The following SYNPR variants were observed in gnomAD, a reference collection of about 807,000 sequenced individuals.
The protein encoded by SYNPR is synaptoporin.
SYNPR carries 23 observed loss-of-function variants against 32.9 expected under a neutral mutation model. The observed-to-expected ratio is 0.70, with a 90% confidence interval of 0.50 to 0.99. The LOEUF (loss-of-function observed/expected upper bound fraction) is 0.99. Ranked by LOEUF, SYNPR falls within the 50% of genes least tolerant of loss-of-function variation. SYNPR has a pLI of 0.00. For missense variants in SYNPR, 318 were observed against 349.3 expected (o/e 0.91, Z 0.71); for synonymous variants, 146 against 135.9 (o/e 1.07, Z -0.52).
chr3:63,338,462 G>A (rs541179249), intron 2 of SYNPR, among the ~76,000 whole-genome samples: 1 of 152,162 alleles, frequency 6.6e-6, no homozygotes, highest in African/African-American at 2.4e-5. Context: ...GGTAGCAATA[G>A]AGTTAAGTCT....
the SYNPR span, among the ~76,000 whole-genome samples, chr3:63,202,509 G>A: frequency 2.5e-3 from 388 of 152,240 alleles, 6 homozygotes; most frequent in African/African-American, 8.7e-3. Flanking sequence ...GTGAACACAG[G>A]CAAGAGGAAA....
chr3:63,386,145 C>T (rs2088040954), intron 2 of SYNPR, among the ~76,000 whole-genome samples: 1 of 152,156 alleles, frequency 6.6e-6, no homozygotes, highest in South Asian at 2.1e-4. Context: ...AATGAGGGTC[C>T]ATGGGCGTCA....
At chr3:63,226,290 T>G (rs1042507405), upstream of SYNPR, among the ~76,000 whole-genome samples, 3 of 152,178 alleles carry the variant, frequency 2.0e-5, no homozygotes, top group African/African-American at 7.2e-5. Flanking sequence ...AAAAACAGTA[T>G]AGTGATTTAT....
rs561549626 is a variant in SYNPR at position 63,237,173 on chromosome 3, G to A, written n.66+8793G>A. ...CGATCATGATTTGACTTGTTGATAT[G>A]GCAATGTTGTATATACAGGGTATTT... On this transcript the variant is annotated intron_variant and non_coding_transcript_variant, in intron 1 of 4. Transcript: ENST00000478456. Among the ~76,000 whole-genome samples the A allele has an allele frequency of 3.9e-5, 6 of 152,032 alleles. No individual in the cohort carries two copies. The South Asian group carries it at 1.2e-3, about 32-fold the overall frequency.
the SYNPR span, among the ~76,000 whole-genome samples, chr3:63,222,432 C>G: frequency 6.6e-6 from 1 of 152,068 alleles, no homozygotes; most frequent in African/African-American, 2.4e-5. Context: ...ATTTCTCACT[C>G]AAAGTGTAAT....
chr3:63,327,098 T>G (rs1349230743), intron 2 of SYNPR, among the ~76,000 whole-genome samples: 1 of 152,106 alleles, frequency 6.6e-6, no homozygotes, highest in Non-Finnish European at 1.5e-5. Context: ...ATGTAAAAGT[T>G]GCAATCATTA....
chr3:63,359,149 A>G (rs2087624426), intron 2 of SYNPR, among the ~76,000 whole-genome samples: 1 of 152,122 alleles, frequency 6.6e-6, no homozygotes, highest in Admixed American at 6.5e-5. Context: ...TCTGGGGAGC[A>G]TGGGAGTGAG....
chr3:63,357,683 G>C (rs369221436), intron 2 of SYNPR, among the ~76,000 whole-genome samples: 1 of 152,148 alleles, frequency 6.6e-6, no homozygotes, highest in Non-Finnish European at 1.5e-5. Flanking sequence ...TAACTATTAA[G>C]TGTGTACATG....
At chr3:63,581,804 A>AG (rs1267718484) in intron 4 of SYNPR, among the ~76,000 whole-genome samples, 2 of 152,030 alleles carry the variant, frequency 1.3e-5, no homozygotes, top group Admixed American at 6.6e-5. Context: ...AAAAAAAAAA[A>AG]TTAAAACTCA....
intron 2 of SYNPR, among the ~76,000 whole-genome samples, chr3:63,387,604 G>C (rs2088069036): frequency 1.3e-5 from 2 of 152,136 alleles, no homozygotes; most frequent in South Asian, 2.1e-4. Context: ...TTGGAAAATG[G>C]GTAGTGAAAG....
At position 63,487,846 on chromosome 3, in the gene SYNPR, T is replaced by A. The variant is rs1701184656; in HGVS notation, c.209+6890T>A. Among the ~76,000 whole-genome samples, 3 of 152,182 alleles carry A rather than the reference T, an allele frequency of 2.0e-5. No individual in the cohort carries two copies. The South Asian group carries it at 6.2e-4, about 31-fold the overall frequency. On this transcript the variant is annotated intron_variant, in intron 3 of 5. Coordinates refer to ENST00000478300, the MANE Select transcript of SYNPR (RefSeq NM_001130003.2). Reference sequence around the variant, plus strand: ...AGTAGGAGACTGAGGCTTAGTCTGATCTTTGTAATCTGTGAAATTCAATTC... The same window carrying A: ...AGTAGGAGACTGAGGCTTAGTCTGAACTTTGTAATCTGTGAAATTCAATTC...
chr3:63,222,255 G>T, the SYNPR span, among the ~76,000 whole-genome samples: 1 of 151,672 alleles, frequency 6.6e-6, no homozygotes, highest in African/African-American at 2.4e-5. Context: ...GCAAAACCCT[G>T]ATATAAAGGT....
chr3:63,372,014 C>A lies in SYNPR; in HGVS notation c.84+93272C>A, dbSNP rs1040628010. Reference sequence around the variant, plus strand: ...AATCCCCACTCTTCACCAGACTGAGCCCCCGGCTTGGGACCACAGAACAGC... The same window carrying A: ...AATCCCCACTCTTCACCAGACTGAGACCCCGGCTTGGGACCACAGAACAGC... On this transcript the variant is annotated intron_variant, in intron 2 of 5. Transcript: ENST00000478300. 2.6e-5 allele frequency among the ~76,000 whole-genome samples: 4 copies of A among 152,064 alleles called. No individual in the cohort carries two copies. The East Asian group carries it at 7.8e-4, about 29-fold the overall frequency.
intron 2 of SYNPR, among the ~76,000 whole-genome samples, chr3:63,440,008 A>G (rs1700140550): frequency 6.6e-6 from 1 of 152,236 alleles, no homozygotes; most frequent in South Asian, 2.1e-4. Context: ...TGGACGTCTT[A>G]GTAAATGGAG....
rs540238756 is a variant in SYNPR, at chr3:63,319,851, CTTTA to C, written c.84+41114_84+41117del. Among the ~76,000 whole-genome samples, 5 of 152,040 alleles carry C rather than the reference CTTTA, an allele frequency of 3.3e-5. No individual in the cohort carries two copies. The South Asian group carries it at 1.0e-3, about 32-fold the overall frequency. On this transcript the variant is annotated intron_variant, in intron 2 of 5. Coordinates refer to ENST00000478300, the MANE Select transcript of SYNPR (RefSeq NM_001130003.2). The stretch of plus-strand genomic sequence containing the variant: ...TACTATATCATGTTGTTGTATTGTT[CTTTA>C]TTTAATCAGTCTCTAATTATGAAGA...
At chr3:63,523,948 A>G (rs1332180079) in intron 3 of SYNPR, among the ~76,000 whole-genome samples, 1 of 152,130 alleles carries the variant, frequency 6.6e-6, no homozygotes. Flanking sequence ...TCTACTGTGG[A>G]CTAGTGAAAG....
At chr3:63,593,523 A>T (rs1699878460) in intron 4 of SYNPR, among the ~76,000 whole-genome samples, 1 of 152,200 alleles carries the variant, frequency 6.6e-6, no homozygotes, top group Admixed American at 6.6e-5. Flanking sequence ...AGTTAAGAAC[A>T]AGAAATAGAA....
At chr3:63,332,168 T>C (rs1262343115) in intron 2 of SYNPR, among the ~76,000 whole-genome samples, 1 of 152,176 alleles carries the variant, frequency 6.6e-6, no homozygotes, top group Admixed American at 6.5e-5. Context: ...CACATGCTCC[T>C]TTCTGCCTCA....
At chr3:63,434,905 A>G (rs1270209537) in intron 2 of SYNPR, among the ~76,000 whole-genome samples, 1 of 152,228 alleles carries the variant, frequency 6.6e-6, no homozygotes, top group Non-Finnish European at 1.5e-5. Flanking sequence ...TTTAGTGCCT[A>G]CTATGAACAA....
Sources: allele counts gnomAD v4.1 joint callset (sites outside exome capture counted in the v4.1 genomes callset), GRCh38; gene constraint gnomAD v4.1.1; transcripts MANE v1.5; gene names NCBI Gene and HGNC (gene_info 2026-07-23, HGNC 2026-07-21).